LPA: variants seen among roughly 807,000 people sequenced by gnomAD.
LPA encodes apolipoprotein(a).
Under a neutral mutation model 197.9 loss-of-function variants are expected in LPA, and 199 were observed. That is an observed-to-expected ratio of 1.01 (90% CI 0.90 to 1.13). The LOEUF is 1.13. Ranked by LOEUF, LPA falls within the 50% of genes most tolerant of loss-of-function variation. LPA has a pLI of 0.00. For missense variants in LPA, 1,853 were observed against 1,785.8 expected, an observed-to-expected ratio of 1.04 and a Z score of -0.68; for synonymous variants, 715 against 639.5, an observed-to-expected ratio of 1.12 and a Z score of -1.78.
intron 18 of LPA, among the ~76,000 whole-genome samples, chr6:160,602,773 A>T (rs1779269159): frequency 6.6e-6 from 1 of 152,226 alleles, no homozygotes; most frequent in Admixed American, 6.5e-5. Flanking sequence ...TGCTGGATGT[A>T]GCATTCTCAT....
rs59853609 is a variant in LPA at position 160,553,937 on chromosome 6, C to CTGTGTGTGTGTGTGTGTGTGTGTG, written c.4973+2087_4973+2088insCACACACACACACACACACACACA. Reference sequence around the variant, plus strand: ...TCTCTCTTTCTCTCTCTCTCTCTCTCTGTGTGTGTGTGTGTGTGCGCGCGC... The same window carrying CTGTGTGTGTGTGTGTGTGTGTGTG: ...TCTCTCTTTCTCTCTCTCTCTCTCTCTGTGTGTGTGTGTGTGTGTGTGTGTGTGTGTGTGTGTGTGTGCGCGCGC... On this transcript the variant is annotated intron_variant, in intron 30 of 38. Transcript: ENST00000316300. Among the ~76,000 whole-genome samples the CTGTGTGTGTGTGTGTGTGTGTGTG allele has an allele frequency of 3.0e-3, 423 of 139,108 alleles. 5 individuals are homozygous for CTGTGTGTGTGTGTGTGTGTGTGTG. The highest frequency in any genetic ancestry group is 4.7e-3 in the Non-Finnish European group (304 of 64,538). 91.3% of individuals were successfully genotyped at this position (139,108 alleles called of 152,430 possible).
intron 2 of LPA, among the ~76,000 whole-genome samples, chr6:160,647,709 G>A (rs2115094971): frequency 6.6e-6 from 1 of 152,268 alleles, no homozygotes; most frequent in African/African-American, 2.4e-5. Context: ...TATCGTGCAT[G>A]AGGTAAGAAA....
chr6:160,589,427 G>T (rs1313660594), intron 24 of LPA, 126 bp downstream of exon 24: 1 of 1,134,048 alleles, frequency 8.8e-7, no homozygotes, highest in Non-Finnish European at 1.3e-6. Flanking sequence ...AGAAGCCTGA[G>T]ACATTCTGTC....
chr6:160,593,045 A>T (rs1049601750), intron 22 of LPA, among the ~76,000 whole-genome samples: 2 of 152,140 alleles, frequency 1.3e-5, no homozygotes, highest in African/African-American at 4.8e-5. Flanking sequence ...CCTTGAGAAG[A>T]CTTCGGTGTG....
rs546422672 is a variant in LPA at position 160,597,283 on chromosome 6, T to A, written c.3288-1748A>T. The stretch of plus-strand genomic sequence containing the variant: ...ATAGTGAGAGAATCAAGGAAATCTC[T>A]AACTCAGAGTGTGGGCTTATCTATT... On this transcript the variant is annotated intron_variant, in intron 20 of 38. Coordinates refer to ENST00000316300, the MANE Select transcript of LPA (RefSeq NM_005577.4). Among the ~76,000 whole-genome samples, 3 of 152,378 alleles carry A rather than the reference T, an allele frequency of 2.0e-5. No homozygotes were observed. The South Asian group carries it at 6.2e-4, about 32-fold the overall frequency.
rs539087301 is a variant in LPA, at chr6:160,664,155, C to T, written c.49+11G>A. On this transcript the variant is annotated intron_variant, in intron 1 of 38. Coordinates refer to ENST00000316300, the MANE Select transcript of LPA (RefSeq NM_005577.4). ...AAATAATTCTTATAATTTAAAAAAA[C>T]TATGTCTTACCTGATTTCAGAAATA... is the stretch of plus-strand genomic sequence containing the variant. 257 of 1,596,106 alleles carry T rather than the reference C, an allele frequency of 1.6e-4. 3 individuals are homozygous for T. The South Asian group carries it at 2.2e-3, about 13-fold the overall frequency.
chr6:160,564,646 C>A (rs1019737690), intron 28 of LPA, among the ~76,000 whole-genome samples: 1 of 152,190 alleles, frequency 6.6e-6, no homozygotes, highest in Non-Finnish European at 1.5e-5. Context: ...CTCACCGGGG[C>A]TTGTCAGACA....
intron 24 of LPA, among the ~76,000 whole-genome samples, chr6:160,588,652 T>C (rs3902910): frequency 0.41 from 62,652 of 151,924 alleles, 13,846 homozygotes; most frequent in African/African-American, 0.58. Context: ...AGCTCCTTTC[T>C]TCCACAAATC....
chr6:160,662,892 A>G lies in LPA; in HGVS notation c.49+1274T>C, dbSNP rs78432041. 6.3e-3 allele frequency among the ~76,000 whole-genome samples: 966 copies of G among 152,310 alleles called. 19 individuals carry two copies. Among genetic ancestry groups the G allele is most frequent in the Non-Finnish European group, 0.011 (758 of 68,026 alleles). On this transcript the variant is annotated intron_variant, in intron 1 of 38. Coordinates refer to ENST00000316300, the MANE Select transcript of LPA (RefSeq NM_005577.4). ...TTCATCTAACTATGTATGTGCTTCA[A>G]GATGGAACTCCTGAGTTCACAGGTG... is the stretch of plus-strand genomic sequence containing the variant.
Position 160,556,040 on chromosome 6 carries a change from T to C in LPA, c.4958A>G (p.Glu1653Gly), listed in dbSNP as rs779198191. ...MTPHRHQRTPENYPNDGLTMN... is the reference protein window; with the variant it reads ...MTPHRHQRTPGNYPNDGLTMN... ...AAAGACATACTCATTTGGGTAGTTTTCTGGGGTCCTCTGATGCCGGTGTGG... is the reference window on the plus strand; with the variant it reads ...AAAGACATACTCATTTGGGTAGTTTCCTGGGGTCCTCTGATGCCGGTGTGG... The change falls in exon 30 of 39, where the codon GAA becomes GGA. Residue 1653 changes from glutamate to glycine, a missense_variant. Physicochemically the swap from Glu to Gly is moderately conservative, Grantham distance 98. This residue lies in a region of LPA where 1,737 missense variants were observed against 1,504.4 expected (regional missense o/e 1.15). Transcript: ENST00000316300. 10 of 1,611,162 alleles carry C rather than the reference T, an allele frequency of 6.2e-6. No individual in the cohort carries two copies. The highest frequency in any genetic ancestry group is 2.2e-5 in the East Asian group (1 of 44,800).
intron 28 of LPA, among the ~76,000 whole-genome samples, chr6:160,562,861 G>A (rs1336441623): frequency 6.6e-6 from 1 of 152,178 alleles, no homozygotes; most frequent in African/African-American, 2.4e-5. Flanking sequence ...GCATAGAGGT[G>A]TTTAAAGTAT....
At chr6:160,593,003 T>C (rs1779059130) in intron 22 of LPA, among the ~76,000 whole-genome samples, 1 of 152,196 alleles carries the variant, frequency 6.6e-6, no homozygotes, top group South Asian at 2.1e-4. Context: ...AAAACTCTCC[T>C]TGTGCATACG....
intron 34 of LPA, 142 bp from the exon 35 acceptor site, chr6:160,541,323 T>C (rs1479144014): frequency 8.5e-6 from 6 of 708,410 alleles, no homozygotes; most frequent in Non-Finnish European, 1.5e-5. Context: ...AACGTCAGGA[T>C]AGTAGAAACT....
chr6:160,535,582 T>C (rs112261863), intron 37 of LPA, among the ~76,000 whole-genome samples: 4,398 of 68,324 alleles, frequency 0.064, 246 homozygotes, highest in African/African-American at 0.19. Flanking sequence ...ATGGTGGTGG[T>C]GATGGTGATG....
At chr6:160,582,616 T>G (rs1268288669) in intron 26 of LPA, among the ~76,000 whole-genome samples, 3 of 152,124 alleles carry the variant, frequency 2.0e-5, no homozygotes, top group Non-Finnish European at 4.4e-5. Context: ...AAGATTTTAC[T>G]TTCTATCTTT....
chr6:160,646,790 A>G (rs571718200), intron 2 of LPA, among the ~76,000 whole-genome samples: 75 of 147,394 alleles, frequency 5.1e-4, no homozygotes, highest in African/African-American at 1.7e-3. Context: ...ATGCATCTGT[A>G]TCTGTCTAGT....
Position 160,537,837 on chromosome 6 carries a change from C to T in LPA, c.5842+18G>A, listed in dbSNP as rs185649559. On this transcript the variant is annotated intron_variant, in intron 37 of 38. Coordinates refer to ENST00000316300, the MANE Select transcript of LPA (RefSeq NM_005577.4). ...GGTCAAAAACAATTTGTTACGTGGG[C>T]AATGGAATTGATCTCACCTTGGGTT... is the stretch of plus-strand genomic sequence containing the variant. 782 of 1,606,660 alleles carry T rather than the reference C, an allele frequency of 4.9e-4. 2 individuals carry two copies. The African/African-American group carries it at 7.1e-3, about 15-fold the overall frequency.
chr6:160,551,679 CTT>C (rs1209482770), intron 30 of LPA, among the ~76,000 whole-genome samples: 17 of 152,112 alleles, frequency 1.1e-4, no homozygotes, highest in Admixed American at 1.1e-3. Flanking sequence ...AGCTCTGACA[CTT>C]AGGTGGAAGA....
At chr6:160,655,113 A>T (rs1352576523) in intron 1 of LPA, among the ~76,000 whole-genome samples, 9 of 152,190 alleles carry the variant, frequency 5.9e-5, no homozygotes, top group Non-Finnish European at 7.3e-5. Flanking sequence ...GACCCACTTC[A>T]TGGCTAGATG....
Sources: gnomAD v4.1 joint callset for allele counts (sites outside exome capture counted in the v4.1 genomes callset) on GRCh38, gnomAD v4.1.1 for gene constraint, gnomAD v4.1.1 regional missense constraint, MANE v1.5 for transcripts, NCBI Gene and HGNC (gene_info 2026-07-23, HGNC 2026-07-21) for gene names.